Variants in NKD1 observed in about 807,000 individuals in gnomAD.
The protein encoded by NKD1 is protein naked cuticle homolog 1.
Under a neutral mutation model 56.0 loss-of-function variants are expected in NKD1, and 21 were observed. That is an observed-to-expected ratio of 0.38 (90% CI 0.27 to 0.54). NKD1 has a LOEUF of 0.54. Ranked by LOEUF, NKD1 falls within the 20% of genes least tolerant of loss-of-function variation. The probability of loss-of-function intolerance (pLI) is 0.82; values close to 1 mark genes in which losing one functional copy is unlikely to be tolerated. For synonymous variants in NKD1, 263 were observed against 265.7 expected, an observed-to-expected ratio of 0.99 and a Z score of 0.10; for missense variants, 578 against 642.7, an observed-to-expected ratio of 0.90 and a Z score of 1.09.
intron 3 of NKD1, among the ~76,000 whole-genome samples, chr16:50,564,202 A>G (rs1960708769): frequency 6.6e-6 from 1 of 152,216 alleles, no homozygotes; most frequent in Non-Finnish European, 1.5e-5. Flanking sequence ...GTGGGGAATG[A>G]TCATGGTCTT....
At chr16:50,582,749 C>T (rs977627752) in intron 3 of NKD1, among the ~76,000 whole-genome samples, 1 of 152,124 alleles carries the variant, frequency 6.6e-6, no homozygotes, top group South Asian at 2.1e-4. Flanking sequence ...TGGCGCACGC[C>T]TGTAATCCTA....
intron 4 of NKD1, among the ~76,000 whole-genome samples, chr16:50,612,268 G>C (rs975801107): frequency 3.9e-5 from 6 of 152,224 alleles, no homozygotes; most frequent in South Asian, 2.1e-4. Context: ...GCTCCCAGGG[G>C]TCAGATGTTG....
At chr16:50,621,104 CA>C (rs763296775) in intron 4 of NKD1, among the ~76,000 whole-genome samples, 2 of 152,246 alleles carry the variant, frequency 1.3e-5, no homozygotes, top group Non-Finnish European at 2.9e-5. Context: ...ACTTCTTTGC[CA>C]ACCCAGTTGA....
chr16:50,596,866 A>G (rs963543507), intron 3 of NKD1, among the ~76,000 whole-genome samples: 12 of 152,192 alleles, frequency 7.9e-5, no homozygotes, highest in African/African-American at 2.7e-4. Flanking sequence ...GGGAGGGGTT[A>G]TCCAGAGGAA....
intron 3 of NKD1, among the ~76,000 whole-genome samples, chr16:50,602,102 C>G (rs1269368002): frequency 1.3e-5 from 2 of 152,180 alleles, no homozygotes; most frequent in Admixed American, 1.3e-4. Flanking sequence ...GCCTGCCGAG[C>G]TTGTAGGCAG....
At chr16:50,564,273 CCTT>C (rs1960710230) in intron 3 of NKD1, among the ~76,000 whole-genome samples, 1 of 152,220 alleles carries the variant, frequency 6.6e-6, no homozygotes, top group Non-Finnish European at 1.5e-5. Context: ...GCCTTTCTAG[CCTT>C]CTTAACCTTG....
chr16:50,596,364 A>G (rs992309686), intron 3 of NKD1, among the ~76,000 whole-genome samples: 1 of 147,570 alleles, frequency 6.8e-6, no homozygotes. Flanking sequence ...CCATTTTTGT[A>G]TGTTTTAGCA....
Position 50,548,607 on chromosome 16 carries a change from C to A in NKD1, c.25+29C>A, listed in dbSNP as rs1195997706. On this transcript the variant is annotated intron_variant, in intron 1 of 9. Coordinates refer to ENST00000268459, the MANE Select transcript of NKD1 (RefSeq NM_033119.5). ...AGTGCCCCCGCCCGCGCGCTCGCCC[C>A]GGGCCCCGCCGCCGTCGCCGCCGCG... The A allele has an allele frequency of 4.8e-6, 7 of 1,449,178 alleles. No homozygotes were observed. The African/African-American group carries it at 7.5e-5, about 16-fold the overall frequency. 89.8% of individuals were successfully genotyped at this position (1,449,178 alleles called of 1,614,324 possible). A position where few individuals can be genotyped will look rare whatever the true frequency, so the allele number is the denominator to read the frequency against.
At chr16:50,608,492 G>A (rs558323139) in intron 4 of NKD1, 132 bp downstream of exon 4, 18 of 713,372 alleles carry the variant, frequency 2.5e-5, no homozygotes, top group Non-Finnish European at 4.6e-5. Context: ...GACTCTGGGT[G>A]GGGGTGGACT....
intron 3 of NKD1, among the ~76,000 whole-genome samples, chr16:50,550,386 A>G (rs1960355535): frequency 6.6e-6 from 1 of 151,302 alleles, no homozygotes; most frequent in African/African-American, 2.4e-5. Context: ...TAGAGGGGGA[A>G]TAGACTGAGT....
chr16:50,579,407 C>G (rs1238282870), intron 3 of NKD1, among the ~76,000 whole-genome samples: 1 of 148,204 alleles, frequency 6.7e-6, no homozygotes, highest in East Asian at 2.0e-4. Context: ...CATGCACTGT[C>G]TTAGTCCTGC....
chr16:50,582,732 G>A (rs1567340392), intron 3 of NKD1, among the ~76,000 whole-genome samples: 1 of 152,254 alleles, frequency 6.6e-6, no homozygotes, highest in Non-Finnish European at 1.5e-5. Flanking sequence ...ATTGTGGCCA[G>A]GCGCAGTGGC....
Position 50,630,305 on chromosome 16 carries a change from C to T in NKD1, c.582C>T (p.Ser194=). ...KLTVAPDGSQ[S]KRSVLVNQAD... ...CCGTGGCCCCCGATGGCAGCCAGAG[C>T]AAGAGGAGCGTCCTTGTCAATCAGG... Residue 194 remains serine (S), a synonymous_variant, in exon 7 of 10, where the codon AGC becomes AGT. Transcript: ENST00000268459. 1.2e-6 allele frequency: 2 copies of T among 1,614,154 alleles called. No homozygotes were observed.
chr16:50,634,063 C>A lies in NKD1; in HGVS notation c.*282C>A. ...CTCCCTCGGGGCTCGGGATCTGCAG[C>A]ATCTATGTGGATCAGCCCACACCCT... On this transcript the variant is annotated 3_prime_UTR_variant, in exon 10 of 10. Transcript: ENST00000268459. The A allele has an allele frequency of 3.3e-6, 1 of 304,044 alleles. No individual in the cohort carries two copies. Among genetic ancestry groups the A allele is most frequent in the Middle Eastern group, 9.0e-4 (1 of 1,108 alleles). The allele number at this position is 304,044 out of a possible 1,614,324, so 18.8% of individuals were successfully genotyped here.
rs773762320 is a variant in NKD1 at position 50,633,315 on chromosome 16, C to T, written c.947C>T (p.Ala316Val). 60 of 1,614,058 alleles carry T rather than the reference C, an allele frequency of 3.7e-5. No homozygotes were observed. The South Asian group carries it at 4.9e-4, about 13-fold the overall frequency. The change falls in exon 10 of 10, where the codon GCC (alanine) becomes GTC (valine). Residue 316 changes from alanine (A) to valine (V), a missense_variant. Transcript: ENST00000268459. The surrounding 1 kb of genome is among the most constrained non-coding windows in gnomAD (Gnocchi z 4.9). ...PHRKPQGVDP[A>V]SFHFLDTPIA... The stretch of plus-strand genomic sequence containing the variant: ...CGAAAGCCCCAAGGCGTGGACCCGG[C>T]CTCCTTCCACTTCCTTGACACCCCA...
At chr16:50,587,470 G>C (rs1468228430) in intron 3 of NKD1, among the ~76,000 whole-genome samples, 1 of 152,150 alleles carries the variant, frequency 6.6e-6, no homozygotes, top group Non-Finnish European at 1.5e-5. Context: ...TATTACTTTG[G>C]GGGGAAAAGC....
At position 50,602,190 on chromosome 16, in the gene NKD1, C is replaced by T. The variant is rs111789502; in HGVS notation, c.193-6104C>T. Among the ~76,000 whole-genome samples the T allele has an allele frequency of 2.3e-4, 35 of 152,266 alleles. 1 individual carries two copies. Among genetic ancestry groups the T allele is most frequent in the African/African-American group, 8.4e-4 (35 of 41,548 alleles). On this transcript the variant is annotated intron_variant, in intron 3 of 9. Coordinates refer to ENST00000268459, the MANE Select transcript of NKD1 (RefSeq NM_033119.5). ...GCTGTGTGGGCAGAGATAACAGGTC[C>T]GCAGGGGAGAGGTATATGTGAGAGA...
intron 3 of NKD1, among the ~76,000 whole-genome samples, chr16:50,604,738 C>T (rs1015735946): frequency 1.3e-5 from 2 of 152,216 alleles, no homozygotes; most frequent in African/African-American, 2.4e-5. Context: ...CTTCCAGTGG[C>T]GCCGTCGAAG....
intron 3 of NKD1, chr16:50,575,081 A>G (rs1596714811): frequency 1.0e-6 from 1 of 984,058 alleles, no homozygotes. Context: ...GTTTCATGAC[A>G]CCAGTAAGTA....
Sources: allele counts gnomAD v4.1 joint callset (sites outside exome capture counted in the v4.1 genomes callset), GRCh38; gene constraint gnomAD v4.1.1; non-coding constraint Gnocchi (gnomAD v3.1); transcripts MANE v1.5; gene names NCBI Gene and HGNC (gene_info 2026-07-23, HGNC 2026-07-21).